Variants in CBFA2T2 observed in about 807,000 individuals in gnomAD.
CBFA2T2 encodes protein CBFA2T2.
CBFA2T2 carries 11 observed loss-of-function variants against 62.2 expected under a neutral mutation model. That is an observed-to-expected ratio of 0.18 (90% CI 0.11 to 0.29). The LOEUF (loss-of-function observed/expected upper bound fraction) is 0.29. Among genes scored for constraint, CBFA2T2 ranks in the 10% least tolerant of loss-of-function variants. CBFA2T2 has a pLI of 1.00. For synonymous variants in CBFA2T2, 295 were observed against 287.5 expected (o/e 1.03, Z -0.27); for missense variants, 592 against 774.1 (o/e 0.76, Z 2.79).
intron 1 of CBFA2T2, among the ~76,000 whole-genome samples, chr20:33,598,347 G>A (rs1466809842): frequency 6.6e-6 from 1 of 152,108 alleles, no homozygotes; most frequent in South Asian, 2.1e-4. Context: ...GGCGCACCTA[G>A]GGGGGCCGTT....
Position 33,579,791 on chromosome 20 carries a change from A to G in CBFA2T2, c.35-27165A>G, listed in dbSNP as rs549504235. Among the ~76,000 whole-genome samples the G allele has an allele frequency of 1.2e-3, 178 of 147,278 alleles. 1 individual carries two copies. The highest frequency in any genetic ancestry group is 1.3e-3 in the Non-Finnish European group (89 of 66,918). On this transcript the variant is annotated intron_variant, in intron 1 of 10. Transcript: ENST00000342704. Reference sequence around the variant, plus strand: ...ACATATTATACAGACATCTTGGTACATCTTGGTGTCTCTCTCTCTCTCTCT... The same window carrying G: ...ACATATTATACAGACATCTTGGTACGTCTTGGTGTCTCTCTCTCTCTCTCT...
At chr20:33,607,439 A>G (rs1275102196) in intron 2 of CBFA2T2, among the ~76,000 whole-genome samples, 2 of 152,222 alleles carry the variant, frequency 1.3e-5, no homozygotes, top group Non-Finnish European at 2.9e-5. Flanking sequence ...AGAATTCTAA[A>G]AATGTTCCAG....
chr20:33,569,507 T>C (rs2013462933), intron 1 of CBFA2T2, among the ~76,000 whole-genome samples: 1 of 152,216 alleles, frequency 6.6e-6, no homozygotes, highest in Admixed American at 6.5e-5. Flanking sequence ...GGTAATAAGT[T>C]CTCAGCTTCA....
chr20:33,596,210 T>G (rs937343687), intron 1 of CBFA2T2, among the ~76,000 whole-genome samples: 1 of 152,186 alleles, frequency 6.6e-6, no homozygotes, highest in Non-Finnish European at 1.5e-5. Flanking sequence ...CTTTCCTGGC[T>G]TAAGGTGCTG....
intron 3 of CBFA2T2, among the ~76,000 whole-genome samples, chr20:33,617,570 T>C (rs1351395437): frequency 2.0e-5 from 3 of 152,172 alleles, no homozygotes; most frequent in Non-Finnish European, 4.4e-5. Context: ...ATACTTAAAA[T>C]CATTCATGTA....
chr20:33,578,515 T>C (rs1311829012), intron 1 of CBFA2T2, among the ~76,000 whole-genome samples: 3 of 152,192 alleles, frequency 2.0e-5, no homozygotes, highest in African/African-American at 7.2e-5. Flanking sequence ...TGTCATAAGG[T>C]TGTAGAGTTG....
At position 33,611,312 on chromosome 20, in the gene CBFA2T2, C is replaced by T. The variant is rs1251802661; in HGVS notation, c.397C>T (p.Arg133Trp). The T allele has an allele frequency of 6.2e-7, 1 of 1,614,154 alleles. No homozygotes were observed. The highest frequency in any genetic ancestry group is 8.5e-7 in the Non-Finnish European group (1 of 1,180,002). The change falls in exon 3 of 11, where the codon CGG (arginine) becomes TGG (tryptophan). Residue 133 changes from arginine (R) to tryptophan (W), a missense_variant. Transcript: ENST00000342704. The part of the protein sequence containing the change: ...DISPEIGEKV[R>W]TLVLALVNST... ...CTCCCCTGAGATTGGGGAGAAGGTG[C>T]GGACTCTTGTTCTTGCACTGGTGGT...
chr20:33,605,640 A>G (rs1489110767), intron 1 of CBFA2T2, among the ~76,000 whole-genome samples: 1 of 152,140 alleles, frequency 6.6e-6, no homozygotes, highest in Admixed American at 6.5e-5. Context: ...CCTATTATTA[A>G]TTGTTCCCAT....
intron 1 of CBFA2T2, among the ~76,000 whole-genome samples, chr20:33,492,264 C>T (rs369721393): frequency 6.6e-6 from 1 of 151,916 alleles, no homozygotes; most frequent in Non-Finnish European, 1.5e-5. Context: ...GGTAATTCAC[C>T]CACCTCAGCC....
intron 1 of CBFA2T2, among the ~76,000 whole-genome samples, chr20:33,558,806 A>G (rs1399839032): frequency 1.3e-5 from 2 of 149,934 alleles, no homozygotes; most frequent in Non-Finnish European, 1.5e-5. Flanking sequence ...ATAGAGATCA[A>G]TTTTTCGCCA....
chr20:33,622,069 G>A (rs1485370067), intron 4 of CBFA2T2, among the ~76,000 whole-genome samples: 1 of 152,192 alleles, frequency 6.6e-6, no homozygotes, highest in Non-Finnish European at 1.5e-5. Flanking sequence ...ATCTGACATG[G>A]TGTTTTTTTC....
rs367741025 is a variant in CBFA2T2, at chr20:33,621,362, G to A, written c.511-1753G>A. Among the ~76,000 whole-genome samples, 13 of 138,964 alleles carry A rather than the reference G, an allele frequency of 9.4e-5. No individual in the cohort carries two copies. The East Asian group carries it at 2.0e-3, about 22-fold the overall frequency. 91.2% of individuals were successfully genotyped at this position (138,964 alleles called of 152,430 possible). ...TGCCCAGGCTGGAGTGCAGTGGCGC[G>A]ATCTCGGCTCTACAACCTCTGCCTC... is the stretch of plus-strand genomic sequence containing the variant. On this transcript the variant is annotated intron_variant, in intron 4 of 10. Transcript: ENST00000342704.
chr20:33,533,118 T>TA (rs148660560), intron 1 of CBFA2T2, among the ~76,000 whole-genome samples: 3,561 of 148,612 alleles, frequency 0.024, 130 homozygotes, highest in African/African-American at 0.082. Context: ...ATTCTTTCAC[T>TA]AAAAAAAAAA....
intron 1 of CBFA2T2, among the ~76,000 whole-genome samples, chr20:33,547,061 C>T (rs2146882113): frequency 6.6e-6 from 1 of 152,104 alleles, no homozygotes; most frequent in Admixed American, 6.5e-5. Context: ...ATTAGCCAGG[C>T]ATGGGGTACA....
At chr20:33,573,986 G>T in intron 1 of CBFA2T2, 50 of 510,118 alleles carry the variant, frequency 9.8e-5, no homozygotes, top group South Asian at 5.3e-4. Context: ...GTGGGGTTTT[G>T]CCATGTTGCC....
intron 1 of CBFA2T2, among the ~76,000 whole-genome samples, chr20:33,504,265 A>T (rs1393129564): frequency 6.6e-6 from 1 of 152,042 alleles, no homozygotes; most frequent in Non-Finnish European, 1.5e-5. Flanking sequence ...GGACATTTGA[A>T]CTGTTTCCCA....
chr20:33,558,683 C>T (rs149061148), intron 1 of CBFA2T2, among the ~76,000 whole-genome samples: 226 of 152,000 alleles, frequency 1.5e-3, no homozygotes, highest in Non-Finnish European at 2.5e-3. Context: ...AGGTGTCTCT[C>T]GTTTTATAAT....
At chr20:33,512,167 A>G (rs1266762375) in intron 1 of CBFA2T2, among the ~76,000 whole-genome samples, 1 of 151,798 alleles carries the variant, frequency 6.6e-6, no homozygotes, top group Non-Finnish European at 1.5e-5. Context: ...ACAGAGCGAG[A>G]CTCTGTCTTC....
At chr20:33,506,385 G>A (rs2011404254) in intron 1 of CBFA2T2, among the ~76,000 whole-genome samples, 1 of 151,912 alleles carries the variant, frequency 6.6e-6, no homozygotes, top group Admixed American at 6.6e-5. Flanking sequence ...TATTTACTTT[G>A]TTTTATGTAA....
Sources: gnomAD v4.1 joint callset for allele counts (sites outside exome capture counted in the v4.1 genomes callset) on GRCh38, gnomAD v4.1.1 for gene constraint, MANE v1.5 for transcripts, NCBI Gene and HGNC (gene_info 2026-07-23, HGNC 2026-07-21) for gene names.